The following LRIG3 variants were observed in gnomAD, a reference collection of about 807,000 sequenced individuals.
LRIG3 encodes leucine-rich repeats and immunoglobulin-like domains protein 3.
In LRIG3, 76 loss-of-function variants were observed where a neutral mutation model predicts 114.5. That is an observed-to-expected ratio of 0.66 (90% CI 0.55 to 0.80). LRIG3 has a LOEUF of 0.80. Among genes scored for constraint, LRIG3 ranks in the 30% least tolerant of loss-of-function variants. The probability of loss-of-function intolerance (pLI) is 0.00; values close to 1 mark genes in which losing one functional copy is unlikely to be tolerated. For missense variants in LRIG3, 1,239 were observed against 1,382.8 expected (o/e 0.90, Z 1.65); for synonymous variants, 512 against 519.8 (o/e 0.98, Z 0.20).
At chr12:58,882,815 G>A in intron 12 of LRIG3, 54 bp downstream of exon 12, 1 of 1,514,562 alleles carries the variant, frequency 6.6e-7, no homozygotes, top group South Asian at 1.3e-5. Flanking sequence ...TTGGATAAAT[G>A]GGAGGGGGAA....
chr12:58,881,982 C>T (rs1365146625), intron 12 of LRIG3, among the ~76,000 whole-genome samples: 3 of 152,176 alleles, frequency 2.0e-5, no homozygotes, highest in Admixed American at 6.5e-5. Context: ...CAGGCCCTTA[C>T]AGATGAATGC....
At chr12:58,901,668 G>A (rs1041889100) in intron 3 of LRIG3, among the ~76,000 whole-genome samples, 1 of 152,170 alleles carries the variant, frequency 6.6e-6, no homozygotes, top group African/African-American at 2.4e-5. Context: ...TTTAACCCAG[G>A]AGAAGGGAAT....
In LRIG3 at chr12:58,872,770, T is replaced by C. The variant is rs746638936; in HGVS notation, c.3162A>G (p.Ser1054=). 11 of 1,613,966 alleles carry C rather than the reference T, an allele frequency of 6.8e-6. No individual in the cohort carries two copies. In the East Asian group the frequency reaches 1.8e-4, roughly 26 times the overall value. ...ALRRPHLDAY[S]SFGQPSDCQP... ...GACAATCTGATGGCTGTCCAAAGCT[T>C]GAATAGGCATCTAGGTGAGGTCTCC... The change falls in exon 19 of 19, where the codon TCA becomes TCG. Residue 1054 remains serine, a synonymous_variant. Coordinates refer to ENST00000320743, the MANE Select transcript of LRIG3 (RefSeq NM_153377.5).
intron 13 of LRIG3, chr12:58,880,314 G>T (rs1455039861): frequency 7.8e-6 from 4 of 512,876 alleles, no homozygotes; most frequent in Non-Finnish European, 7.0e-6. Flanking sequence ...AAAAAAAAAA[G>T]AAAAAGAAAA....
rs1272006975 is a variant in LRIG3, at chr12:58,876,428, T to G, written c.2695+17A>C. The G allele has an allele frequency of 1.2e-6, 2 of 1,611,662 alleles. No homozygotes were observed. The highest frequency in any genetic ancestry group is 2.2e-5 in the South Asian group (2 of 90,752). ...ACTTCAAAACAATTACAGCCCACAT[T>G]CATTTTAAACACTTACCACTACTGT... On this transcript the variant is annotated intron_variant, in intron 16 of 18. Transcript: ENST00000320743.
At chr12:58,917,825 C>T (rs752228137) in intron 1 of LRIG3, among the ~76,000 whole-genome samples, 18 of 152,160 alleles carry the variant, frequency 1.2e-4, no homozygotes, top group Non-Finnish European at 2.4e-4. Flanking sequence ...ATGCATTTTT[C>T]TATTTATATC....
chr12:58,874,379 T>C (rs937644751), intron 17 of LRIG3, 49 bp from the exon 18 acceptor site: 2 of 1,610,710 alleles, frequency 1.2e-6, no homozygotes, highest in Non-Finnish European at 1.7e-6. Flanking sequence ...TTAGCACATC[T>C]AGAAGTCTCT....
At chr12:58,912,802 C>A (rs1464543309) in intron 3 of LRIG3, among the ~76,000 whole-genome samples, 1 of 152,188 alleles carries the variant, frequency 6.6e-6, no homozygotes, top group Admixed American at 6.5e-5. Context: ...ACCAGCACTC[C>A]ATTTAGATTC....
chr12:58,878,056 A>G (rs1192425055), intron 14 of LRIG3, among the ~76,000 whole-genome samples: 1 of 152,196 alleles, frequency 6.6e-6, no homozygotes, highest in Non-Finnish European at 1.5e-5. Context: ...CCAGTTAAGG[A>G]TAATATCTAC....
chr12:58,894,889 C>T (rs1871586417), intron 3 of LRIG3, among the ~76,000 whole-genome samples: 1 of 152,054 alleles, frequency 6.6e-6, no homozygotes, highest in African/African-American at 2.4e-5. Context: ...ACAGGGAGTT[C>T]CATGGTTAAC....
chr12:58,887,078 T>C (rs1446282797), intron 8 of LRIG3, 188 bp from the exon 9 acceptor site: 3 of 514,848 alleles, frequency 5.8e-6, no homozygotes, highest in Non-Finnish European at 1.0e-5. Context: ...CTCAACAACA[T>C]TTTAAGTTTT....
chr12:58,901,965 T>C (rs1871867709), intron 3 of LRIG3, among the ~76,000 whole-genome samples: 1 of 152,206 alleles, frequency 6.6e-6, no homozygotes, highest in Non-Finnish European at 1.5e-5. Context: ...GCTAGAATTA[T>C]GCAACAACGC....
Position 58,920,200 on chromosome 12 carries a change from C to A in LRIG3, c.36G>T (p.Gly12=). 7.1e-7 allele frequency: 1 copy of A among 1,416,664 alleles called. No homozygotes were observed. Among genetic ancestry groups the A allele is most frequent in the Non-Finnish European group, 9.1e-7 (1 of 1,096,710 alleles). The allele number at this position is 1,416,664 out of a possible 1,614,324, so 87.8% of individuals were successfully genotyped here. A position where few individuals can be genotyped will look rare whatever the true frequency, so the allele number is the denominator to read the frequency against. The change falls in exon 1 of 19, where the codon GGG becomes GGT. Residue 12 remains glycine, a synonymous_variant. Transcript: ENST00000320743. ...SAPSLRARAA[G]LGLLLCAVLG... ...GCACCGCGCACAGCAGCAGCCCCAA[C>A]CCCGCGGCGCGCGCACGGAGGCTCG... is the stretch of plus-strand genomic sequence containing the variant.
intron 3 of LRIG3, among the ~76,000 whole-genome samples, chr12:58,902,894 T>C (rs1028026032): frequency 5.3e-5 from 8 of 152,272 alleles, no homozygotes; most frequent in Admixed American, 1.3e-4. Context: ...ACAAAGGACA[T>C]GAACTCATCC....
chr12:58,873,853 A>G (rs1448921338), intron 18 of LRIG3: 6 of 626,102 alleles, frequency 9.6e-6, no homozygotes, highest in Middle Eastern at 3.9e-4. Flanking sequence ...AGGCTTAGTT[A>G]TAGATTAAAC....
At chr12:58,908,163 A>G (rs943887600) in intron 3 of LRIG3, among the ~76,000 whole-genome samples, 1 of 152,194 alleles carries the variant, frequency 6.6e-6, no homozygotes, top group African/African-American at 2.4e-5. Context: ...ATCTCGCGGC[A>G]TTAGGTTCCA....
Position 58,914,002 on chromosome 12 carries a change from T to G in LRIG3, c.363A>C (p.Ala121=). 1.2e-6 allele frequency: 2 copies of G among 1,612,664 alleles called. No homozygotes were observed. Among genetic ancestry groups the G allele is most frequent in the Non-Finnish European group, 1.7e-6 (2 of 1,179,724 alleles). The change falls in exon 3 of 19, where the codon GCA becomes GCC. Residue 121 remains alanine (A), a synonymous_variant. Transcript: ENST00000320743. Reference sequence around the variant, plus strand: ...CTTACAAGGAGAGAAGTGTAATATTTGCCGAGACTGGTCCCAGATTTGGAA... The same window carrying G: ...CTTACAAGGAGAGAAGTGTAATATTGGCCGAGACTGGTCCCAGATTTGGAA... ...ETIPNLGPVS[A]NITLLSLAGN...
intron 11 of LRIG3, 53 bp downstream of exon 11, chr12:58,883,467 G>T: frequency 7.6e-7 from 1 of 1,310,196 alleles, no homozygotes; most frequent in Non-Finnish European, 1.1e-6. Flanking sequence ...CACACCATAT[G>T]ACAGTTTTCC....
Position 58,919,526 on chromosome 12 carries a change from G to A in LRIG3, c.236+474C>T, listed in dbSNP as rs1298568709. 2.1e-5 allele frequency: 33 copies of A among 1,550,996 alleles called. No individual in the cohort carries two copies. In the East Asian group the frequency reaches 8.1e-4, roughly 38 times the overall value. The stretch of plus-strand genomic sequence containing the variant: ...ATTCTGTTGAGGGGGCTTCCCAAAT[G>A]AAAAGCCTGACTTCAGTTACTGGGT... On this transcript the variant is annotated intron_variant, in intron 1 of 18. Transcript: ENST00000320743.
Sources: gnomAD v4.1 joint callset for allele counts (sites outside exome capture counted in the v4.1 genomes callset) on GRCh38, gnomAD v4.1.1 for gene constraint, MANE v1.5 for transcripts, NCBI Gene and HGNC (gene_info 2026-07-23, HGNC 2026-07-21) for gene names.